UNC79: variants seen among roughly 807,000 people sequenced by gnomAD.
UNC79 encodes the protein unc-79 subunit of NALCN channel complex.
Under a neutral mutation model 283.1 loss-of-function variants are expected in UNC79, and 37 were observed. That is an observed-to-expected ratio of 0.13 (90% CI 0.10 to 0.17). The LOEUF (loss-of-function observed/expected upper bound fraction) is 0.17, where lower values mean the gene tolerates loss of function less well. UNC79 is among the 10% of genes least tolerant of loss of function. The pLI is 1.00. For missense variants in UNC79, 2,272 were observed against 3,211.1 expected (o/e 0.71, Z 7.07); for synonymous variants, 1,107 against 1,200.2 (o/e 0.92, Z 1.61).
chr14:93,351,692 G>GGA (rs139340225), intron 1 of UNC79, among the ~76,000 whole-genome samples: 1 of 151,976 alleles, frequency 6.6e-6, no homozygotes, highest in Non-Finnish European at 1.5e-5. Context: ...ATTTATATAT[G>GGA]GAGAGAGAGA....
intron 47 of UNC79, 138 bp downstream of exon 50, chr14:93,694,550 C>T: frequency 1.3e-6 from 1 of 776,748 alleles, no homozygotes; most frequent in Non-Finnish European, 2.1e-6. Context: ...CCTATAACAA[C>T]CCTTTACCAA....
intron 10 of UNC79, 113 bp downstream of exon 10, chr14:93,529,439 T>C (rs753295896): frequency 1.7e-5 from 20 of 1,149,804 alleles, no homozygotes; most frequent in Non-Finnish European, 2.4e-5. Context: ...AAGTATTGTA[T>C]TGTATGAATA....
intron 1 of UNC79, among the ~76,000 whole-genome samples, chr14:93,424,924 T>C (rs931579108): frequency 6.6e-6 from 1 of 152,188 alleles, no homozygotes; most frequent in African/African-American, 2.4e-5. Context: ...CCATTTACCC[T>C]GATGTGCGTA....
At position 93,564,430 on chromosome 14, in the gene UNC79, T is replaced by C. The variant is rs193059253; in HGVS notation, c.1756-7464T>C. Among the ~76,000 whole-genome samples, 36 of 152,238 alleles carry C rather than the reference T, an allele frequency of 2.4e-4. No homozygotes were observed. In the East Asian group the frequency reaches 2.5e-3, roughly 11 times the overall value. On this transcript the variant is annotated intron_variant, in intron 14 of 48. Coordinates refer to ENST00000555664, the Ensembl canonical transcript of UNC79. ...CAGGGAGAGCACGTGTGTTACCTAT[T>C]GAGGTAGGTAACGGATGGAGAAGAA...
chr14:93,612,828 C>T (rs759702448), exon 27 of UNC79: 1 of 1,614,094 alleles, frequency 6.2e-7, no homozygotes, highest in Non-Finnish European at 8.5e-7. Flanking sequence ...ACAACACCAT[C>T]AAGGACCTGC....
chr14:93,482,050 T>A (rs1179655548), intron 4 of UNC79, among the ~76,000 whole-genome samples: 1 of 152,196 alleles, frequency 6.6e-6, no homozygotes, highest in Non-Finnish European at 1.5e-5. Flanking sequence ...CATGGAATAA[T>A]GTATGAGAAT....
chr14:93,557,046 A>T (rs781370615), intron 14 of UNC79, among the ~76,000 whole-genome samples: 4 of 152,228 alleles, frequency 2.6e-5, no homozygotes, highest in Non-Finnish European at 5.9e-5. Flanking sequence ...GAGAGAGTTT[A>T]TTGAAAGCTA....
chr14:93,552,284 G>C (rs2061939739), intron 14 of UNC79, among the ~76,000 whole-genome samples: 1 of 152,126 alleles, frequency 6.6e-6, no homozygotes, highest in South Asian at 2.1e-4. Context: ...AAAAACAACT[G>C]TTAATGGTGG....
intron 27 of UNC79, among the ~76,000 whole-genome samples, chr14:93,615,720 C>CAAAAAAAAAA (rs1158073507): frequency 3.9e-4 from 9 of 23,288 alleles, no homozygotes; most frequent in African/African-American, 6.1e-4. Flanking sequence ...GACTCCATCT[C>CAAAAAAAAAA]AAAAAAAAAA....
In UNC79 at chr14:93,621,524, G is replaced by T; in HGVS notation, c.4388-97G>T. ...TTTCCCTCCTGGTGGAGCTGGGATT[G>T]TGATGATGATTTATGCCAATTGTAT... On this transcript the variant is annotated intron_variant, in intron 29 of 48. Coordinates refer to ENST00000555664, the Ensembl canonical transcript of UNC79. This position sits in a 1 kb window ranked among gnomAD's most constrained non-coding sequence, Gnocchi z 4.8. 1.5e-6 allele frequency: 2 copies of T among 1,356,820 alleles called. No homozygotes were observed. The highest frequency in any genetic ancestry group is 9.7e-7 in the Non-Finnish European group (1 of 1,035,646). 84.0% of individuals were successfully genotyped at this position (1,356,820 alleles called of 1,614,324 possible).
intron 26 of UNC79, among the ~76,000 whole-genome samples, chr14:93,611,981 A>G (rs564919065): frequency 6.6e-6 from 1 of 152,356 alleles, no homozygotes; most frequent in Admixed American, 6.5e-5. Flanking sequence ...AGACAAGGTA[A>G]CTTCTGACTT....
At chr14:93,672,558 C>T (rs1012332931) in intron 40 of UNC79, among the ~76,000 whole-genome samples, 6 of 152,040 alleles carry the variant, frequency 3.9e-5, no homozygotes, top group Non-Finnish European at 8.8e-5. Flanking sequence ...TGGGTACAAG[C>T]ATACAGTTAG....
chr14:93,567,148 A>G (rs1056508622), intron 14 of UNC79, among the ~76,000 whole-genome samples: 3 of 152,148 alleles, frequency 2.0e-5, no homozygotes, highest in Non-Finnish European at 2.9e-5. Context: ...AATGTAGCCA[A>G]CTGTTGGAAC....
At chr14:93,657,662 A>G (rs1429248170) in intron 38 of UNC79, among the ~76,000 whole-genome samples, 1 of 152,146 alleles carries the variant, frequency 6.6e-6, no homozygotes, top group African/African-American at 2.4e-5. Context: ...AGGTATGGCA[A>G]ATTTAAATGC....
intron 1 of UNC79, among the ~76,000 whole-genome samples, chr14:93,438,817 T>C (rs1595480557): frequency 1.3e-5 from 2 of 152,112 alleles, no homozygotes; most frequent in Non-Finnish European, 1.5e-5. Flanking sequence ...TTAGGAAGAA[T>C]TGACATCTTT....
At chr14:93,547,085 T>C (rs547640019) in intron 14 of UNC79, among the ~76,000 whole-genome samples, 57 of 152,336 alleles carry the variant, frequency 3.7e-4, no homozygotes, top group South Asian at 1.2e-3. Flanking sequence ...TTGTTGTTTC[T>C]GTAGCATGAA....
intron 41 of UNC79, among the ~76,000 whole-genome samples, chr14:93,676,171 C>A (rs147654288): frequency 4.0e-4 from 61 of 152,314 alleles, no homozygotes; most frequent in African/African-American, 1.4e-3. Flanking sequence ...ATCCTCCTAC[C>A]TCAGCCTCTG....
chr14:93,542,956 A>ATTT lies in UNC79; in HGVS notation c.1755+272_1755+274dup, dbSNP rs34093801. ...GGACCATTCTTTCTCGACATTGCTG[A>ATTT]TTTTTTTTTTTTTTGAAATGGGATC... On this transcript the variant is annotated intron_variant, in intron 14 of 48. Coordinates refer to ENST00000555664, the Ensembl canonical transcript of UNC79. 4.7e-3 allele frequency among the ~76,000 whole-genome samples: 681 copies of ATTT among 145,360 alleles called. 3 individuals carry two copies. Among genetic ancestry groups the ATTT allele is most frequent in the African/African-American group, 0.016 (648 of 39,630 alleles).
At chr14:93,586,242 T>C (rs897183828) in intron 20 of UNC79, among the ~76,000 whole-genome samples, 1 of 152,134 alleles carries the variant, frequency 6.6e-6, no homozygotes, top group South Asian at 2.1e-4. Flanking sequence ...GCTAGCCAGG[T>C]TCCAGGTCCC....
Sources: gnomAD v4.1 joint callset for allele counts (sites outside exome capture counted in the v4.1 genomes callset) on GRCh38, gnomAD v4.1.1 for gene constraint, Gnocchi (gnomAD v3.1) non-coding constraint, MANE v1.5 for transcripts, NCBI Gene and HGNC (gene_info 2026-07-23, HGNC 2026-07-21) for gene names.